CNTLN: variants seen among roughly 807,000 people sequenced by gnomAD.
CNTLN encodes the protein centlein, also known as centlein, centrosomal protein.
A neutral mutation model predicts 180.0 loss-of-function variants in CNTLN; 212 were observed. The observed-to-expected ratio is 1.18, with a 90% CI of 1.05 to 1.32. The LOEUF is 1.32. CNTLN is among the 40% of genes most tolerant of loss of function. The pLI is 0.00. For synonymous variants in CNTLN, 722 were observed against 563.1 expected, an observed-to-expected ratio of 1.28 and a Z score of -3.99; for missense variants, 2,095 against 1,610.9, an observed-to-expected ratio of 1.30 and a Z score of -5.14.
intron 2 of CNTLN, among the ~76,000 whole-genome samples, chr9:17,148,798 T>G (rs533163861): frequency 1.3e-5 from 2 of 152,180 alleles, no homozygotes; most frequent in Non-Finnish European, 2.9e-5. Flanking sequence ...ATGACTACAA[T>G]AGTGCCACAA....
chr9:17,312,384 A>ATATAT (rs1563985021), intron 8 of CNTLN, among the ~76,000 whole-genome samples: 3 of 108,084 alleles, frequency 2.8e-5, no homozygotes, highest in African/African-American at 1.1e-4. Context: ...ATATATATAT[A>ATATAT]ATTTATTTAT....
At chr9:17,403,566 T>A (rs951478495) in intron 15 of CNTLN, among the ~76,000 whole-genome samples, 1 of 150,950 alleles carries the variant, frequency 6.6e-6, no homozygotes, top group African/African-American at 2.5e-5. Context: ...TTACAGTAGT[T>A]TTAAGTATTT....
Position 17,499,485 on chromosome 9 carries a change from A to T in CNTLN, c.4120-3066A>T, listed in dbSNP as rs1208881774. 2.6e-5 allele frequency among the ~76,000 whole-genome samples: 4 copies of T among 152,318 alleles called. No homozygotes were observed. The South Asian group carries it at 6.2e-4, about 24-fold the overall frequency. Reference sequence around the variant, plus strand: ...ATGAAAAATGTTTGCTAAATAAATGAATAGTATAAACTTGGTAAGAGAGGT... The same window carrying T: ...ATGAAAAATGTTTGCTAAATAAATGTATAGTATAAACTTGGTAAGAGAGGT... On this transcript the variant is annotated intron_variant, in intron 25 of 25. Transcript: ENST00000380647.
intron 25 of CNTLN, among the ~76,000 whole-genome samples, chr9:17,498,772 A>G (rs1833589892): frequency 1.3e-5 from 2 of 152,278 alleles, no homozygotes; most frequent in Middle Eastern, 3.4e-3. Context: ...GGCAAATACC[A>G]TCTGAGATGA....
chr9:17,392,754 C>G (rs889034785), intron 14 of CNTLN, among the ~76,000 whole-genome samples: 1 of 151,032 alleles, frequency 6.6e-6, no homozygotes, highest in Non-Finnish European at 1.5e-5. Context: ...ATAGTGTAGT[C>G]ACTTAGTAAA....
intron 5 of CNTLN, among the ~76,000 whole-genome samples, chr9:17,240,440 G>A (rs1825414509): frequency 6.6e-6 from 1 of 151,718 alleles, no homozygotes; most frequent in Non-Finnish European, 1.5e-5. Flanking sequence ...TAATCTAAGT[G>A]CTTTTAATTT....
chr9:17,144,758 A>AT (rs1383173072), intron 2 of CNTLN, among the ~76,000 whole-genome samples: 1 of 151,564 alleles, frequency 6.6e-6, no homozygotes, highest in African/African-American at 2.4e-5. Flanking sequence ...TTACTGCTTT[A>AT]TAACTATGAC....
intron 5 of CNTLN, among the ~76,000 whole-genome samples, chr9:17,256,861 T>C (rs1338451763): frequency 2.0e-5 from 3 of 151,954 alleles, no homozygotes; most frequent in Non-Finnish European, 4.4e-5. Context: ...AATAATTTAG[T>C]TTCTGCTTGG....
chr9:17,326,011 T>A (rs952248604), intron 8 of CNTLN, among the ~76,000 whole-genome samples: 2 of 152,078 alleles, frequency 1.3e-5, no homozygotes, highest in African/African-American at 4.8e-5. Context: ...TTGTATAATT[T>A]AAAAAATAGT....
intron 2 of CNTLN, among the ~76,000 whole-genome samples, chr9:17,188,310 C>A (rs531232313): frequency 6.6e-6 from 1 of 151,966 alleles, no homozygotes; most frequent in South Asian, 2.1e-4. Flanking sequence ...GAAGATTAGC[C>A]CAGTTCTACC....
rs570316429 is a variant in CNTLN, at chr9:17,503,361, A to T, written c.*709A>T. The T allele has an allele frequency of 6.6e-5, 10 of 152,328 alleles. No homozygotes were observed. Among genetic ancestry groups the T allele is most frequent in the African/African-American group, 2.4e-4 (10 of 41,568 alleles). The allele number at this position is 152,328 out of a possible 1,614,324, so 9.4% of individuals were successfully genotyped here. Reference sequence around the variant, plus strand: ...ACAGAACTACTACTGTGGTCAGCTAATTTAAGTTACATTCTTAACCATGAT... The same window carrying T: ...ACAGAACTACTACTGTGGTCAGCTATTTTAAGTTACATTCTTAACCATGAT... On this transcript the variant is annotated 3_prime_UTR_variant, in exon 26 of 26. Transcript: ENST00000380647.
chr9:17,199,873 T>C (rs565753726), intron 2 of CNTLN, among the ~76,000 whole-genome samples: 2 of 152,234 alleles, frequency 1.3e-5, no homozygotes, highest in Non-Finnish European at 1.5e-5. Context: ...TTGACTTTTG[T>C]TGCAATTGCT....
At chr9:17,490,070 A>G (rs1378462373) in intron 25 of CNTLN, among the ~76,000 whole-genome samples, 1 of 152,148 alleles carries the variant, frequency 6.6e-6, no homozygotes, top group Non-Finnish European at 1.5e-5. Flanking sequence ...CTTTGTCTAT[A>G]GTTTAGGGAG....
intron 13 of CNTLN, among the ~76,000 whole-genome samples, chr9:17,367,156 A>G (rs1396088630): frequency 6.6e-6 from 1 of 152,230 alleles, no homozygotes; most frequent in African/African-American, 2.4e-5. Context: ...GGCAGTGGCC[A>G]TGTGACATGG....
intron 2 of CNTLN, among the ~76,000 whole-genome samples, chr9:17,208,941 T>G (rs1823104609): frequency 6.6e-6 from 1 of 152,084 alleles, no homozygotes. Context: ...CTGTTTCAAT[T>G]TCATTAATTT....
intron 18 of CNTLN, among the ~76,000 whole-genome samples, chr9:17,417,927 T>G (rs1564089005): frequency 6.6e-6 from 1 of 152,024 alleles, no homozygotes; most frequent in South Asian, 2.1e-4. Context: ...AGCACCTCAG[T>G]TACTGCATGG....
intron 1 of CNTLN, among the ~76,000 whole-genome samples, chr9:17,137,958 T>TG (rs1454291817): frequency 1.3e-5 from 2 of 152,196 alleles, no homozygotes; most frequent in African/African-American, 4.8e-5. Flanking sequence ...AATGCTTATA[T>TG]GAAGAAAAAG....
At chr9:17,526,087 C>A in the CNTLN span, among the ~76,000 whole-genome samples, 2 of 152,122 alleles carry the variant, frequency 1.3e-5, no homozygotes, top group South Asian at 4.1e-4. Context: ...AGGTGCCCAC[C>A]ACCACACCCA....
At chr9:17,525,325 A>G in the CNTLN span, among the ~76,000 whole-genome samples, 1 of 152,200 alleles carries the variant, frequency 6.6e-6, no homozygotes, top group African/African-American at 2.4e-5. Flanking sequence ...AAGAAAGGTA[A>G]AGTCACTAAA....
Sources: allele counts gnomAD v4.1 joint callset (sites outside exome capture counted in the v4.1 genomes callset), GRCh38; gene constraint gnomAD v4.1.1; transcripts MANE v1.5; gene names NCBI Gene and HGNC (gene_info 2026-07-23, HGNC 2026-07-21).